The following AGMO variants were observed in gnomAD, a reference collection of about 807,000 sequenced individuals.
AGMO encodes alkylglycerol monooxygenase, also known as glyceryl-ether monooxygenase.
In AGMO, 75 loss-of-function variants were observed where a neutral mutation model predicts 60.2. That is an observed-to-expected ratio of 1.25 (90% CI 1.03 to 1.51). AGMO has a LOEUF of 1.51. Among genes scored for constraint, AGMO ranks in the 40% most tolerant of loss-of-function variants. The pLI is 0.00. For missense variants in AGMO, 763 were observed against 525.5 expected, an observed-to-expected ratio of 1.45 and a Z score of -4.42; for synonymous variants, 261 against 177.1, an observed-to-expected ratio of 1.47 and a Z score of -3.76.
the AGMO span, among the ~76,000 whole-genome samples, chr7:15,172,206 C>A: frequency 6.6e-6 from 1 of 152,168 alleles, no homozygotes; most frequent in Non-Finnish European, 1.5e-5. Context: ...AATAAGTATT[C>A]GTGGTCACCC....
intron 3 of AGMO, among the ~76,000 whole-genome samples, chr7:15,443,082 T>A (rs1044373626): frequency 6.6e-6 from 1 of 152,194 alleles, no homozygotes; most frequent in African/African-American, 2.4e-5. Context: ...TTCCACTCAA[T>A]AAAACCTTGC....
At chr7:15,525,780 C>T (rs1784114052) in intron 3 of AGMO, among the ~76,000 whole-genome samples, 1 of 152,074 alleles carries the variant, frequency 6.6e-6, no homozygotes, top group South Asian at 2.1e-4. Flanking sequence ...AGAGGGGTAA[C>T]GGGCTGACAG....
intron 12 of AGMO, among the ~76,000 whole-genome samples, chr7:15,318,770 T>TG (rs1380026948): frequency 6.6e-5 from 10 of 152,200 alleles, no homozygotes; most frequent in African/African-American, 2.4e-4. Context: ...TTTTTTTCTT[T>TG]GTTTTTATCA....
At chr7:15,133,435 G>T in the AGMO span, among the ~76,000 whole-genome samples, 18 of 152,116 alleles carry the variant, frequency 1.2e-4, no homozygotes, top group Non-Finnish European at 4.4e-5. Context: ...ACGGATCATG[G>T]ACTCTAAGGA....
intron 12 of AGMO, among the ~76,000 whole-genome samples, chr7:15,352,635 G>A (rs911351243): frequency 6.6e-6 from 1 of 151,850 alleles, no homozygotes; most frequent in Non-Finnish European, 1.5e-5. Flanking sequence ...CTGGCCTTGA[G>A]TTGATGGTAG....
At chr7:15,466,704 T>A (rs1415737155) in intron 3 of AGMO, among the ~76,000 whole-genome samples, 1 of 152,182 alleles carries the variant, frequency 6.6e-6, no homozygotes, top group Non-Finnish European at 1.5e-5. Context: ...AGATTGTATA[T>A]AAATCATAGT....
rs551790301 is a variant in AGMO, at chr7:15,201,367, A to C, written c.1264-8T>G. ...GCAAATGGAAAAAACAATCTGAAGA[A>C]ATAAAACACAAAGAGAAAAAAAAAT... On this transcript the variant is annotated splice_polypyrimidine_tract_variant and splice_region_variant and intron_variant, in intron 12 of 12. Coordinates refer to ENST00000342526, the MANE Select transcript of AGMO (RefSeq NM_001004320.2). 7.5e-6 allele frequency: 12 copies of C among 1,607,068 alleles called. No homozygotes were observed. In the South Asian group the frequency reaches 1.1e-4, roughly 15 times the overall value.
the AGMO span, among the ~76,000 whole-genome samples, chr7:15,187,045 T>C: frequency 6.6e-6 from 1 of 152,340 alleles, no homozygotes; most frequent in Admixed American, 6.5e-5. Flanking sequence ...ATGTAAATGG[T>C]TTATAAAGTA....
At chr7:15,204,716 T>C (rs944226797) in intron 12 of AGMO, among the ~76,000 whole-genome samples, 1 of 152,202 alleles carries the variant, frequency 6.6e-6, no homozygotes, top group African/African-American at 2.4e-5. Context: ...TTTTGGCCTG[T>C]ACAGATGCTG....
intron 3 of AGMO, among the ~76,000 whole-genome samples, chr7:15,434,091 C>A (rs528540163): frequency 1.3e-5 from 2 of 152,104 alleles, no homozygotes; most frequent in South Asian, 4.2e-4. Context: ...CCAAAGAGTT[C>A]CCCCACCTCC....
At chr7:15,224,508 A>T (rs1782018561) in intron 12 of AGMO, among the ~76,000 whole-genome samples, 1 of 151,862 alleles carries the variant, frequency 6.6e-6, no homozygotes, top group Admixed American at 6.6e-5. Flanking sequence ...CAGAAACTGG[A>T]TGTGCTGGCA....
intron 3 of AGMO, among the ~76,000 whole-genome samples, chr7:15,493,748 G>A (rs1046417185): frequency 6.6e-6 from 1 of 152,102 alleles, no homozygotes; most frequent in Admixed American, 6.5e-5. Flanking sequence ...ATCCTTTAGA[G>A]TGCATATCCT....
chr7:15,202,487 A>AAAAAAAAAAAAAAAAAAAAAAAG (rs1781322160), intron 12 of AGMO, among the ~76,000 whole-genome samples: 1 of 139,366 alleles, frequency 7.2e-6, no homozygotes. Context: ...AAAAAAAAAA[A>AAAAAAAAAAAAAAAAAAAAAAAG]AACCCTCCCA....
chr7:15,430,187 A>T (rs1781187637), intron 4 of AGMO, among the ~76,000 whole-genome samples: 1 of 151,938 alleles, frequency 6.6e-6, no homozygotes, highest in African/African-American at 2.4e-5. Flanking sequence ...TAACAAAAGT[A>T]CCTTGCAAAG....
intron 3 of AGMO, among the ~76,000 whole-genome samples, chr7:15,527,015 TTC>T (rs143530610): frequency 1.3e-5 from 2 of 152,274 alleles, no homozygotes; most frequent in African/African-American, 4.8e-5. Context: ...TCCCCTGTCT[TTC>T]TCTCTCTCAT....
At chr7:15,128,638 T>C in the AGMO span, among the ~76,000 whole-genome samples, 2 of 152,078 alleles carry the variant, frequency 1.3e-5, no homozygotes, top group Non-Finnish European at 2.9e-5. Flanking sequence ...AGTATATATA[T>C]CTGTATGTGT....
intron 12 of AGMO, among the ~76,000 whole-genome samples, chr7:15,206,250 GA>G (rs1271719751): frequency 6.6e-6 from 1 of 151,804 alleles, no homozygotes; most frequent in African/African-American, 2.4e-5. Context: ...GATAATTATA[GA>G]TTTTTTTTCT....
At chr7:15,317,973 C>CAA (rs1780989992) in intron 12 of AGMO, among the ~76,000 whole-genome samples, 1 of 146,958 alleles carries the variant, frequency 6.8e-6, no homozygotes, top group Non-Finnish European at 1.5e-5. Flanking sequence ...TATATACACA[C>CAA]ACACGTATAT....
chr7:15,418,013 G>A lies in AGMO; in HGVS notation c.609+545C>T, dbSNP rs369621333. Reference sequence around the variant, plus strand: ...CAAATCTGACAGTTTGAAATGCCACGGAAGACTCTAAAATTACATTTCTTC... The same window carrying A: ...CAAATCTGACAGTTTGAAATGCCACAGAAGACTCTAAAATTACATTTCTTC... On this transcript the variant is annotated intron_variant, in intron 5 of 12. Transcript: ENST00000342526. 2.2e-4 allele frequency among the ~76,000 whole-genome samples: 34 copies of A among 151,866 alleles called. No homozygotes were observed. In the South Asian group the frequency reaches 4.6e-3, roughly 20 times the overall value.
Sources: allele counts gnomAD v4.1 joint callset (sites outside exome capture counted in the v4.1 genomes callset), GRCh38; gene constraint gnomAD v4.1.1; transcripts MANE v1.5; gene names NCBI Gene and HGNC (gene_info 2026-07-23, HGNC 2026-07-21).